The following RASA3 variants were observed in gnomAD, a reference collection of about 807,000 sequenced individuals.
RASA3 encodes the protein RAS p21 protein activator 3.
A neutral mutation model predicts 110.0 loss-of-function variants in RASA3; 73 were observed. That is an observed-to-expected ratio of 0.66 (90% CI 0.55 to 0.81). RASA3 has a LOEUF of 0.81. RASA3 is among the 30% of genes least tolerant of loss of function. The probability of loss-of-function intolerance (pLI) is 0.00; values close to 1 mark genes in which losing one functional copy is unlikely to be tolerated. For synonymous variants in RASA3, 500 were observed against 451.4 expected (o/e 1.11, Z -1.37); for missense variants, 976 against 1,113.2 (o/e 0.88, Z 1.75).
intron 1 of RASA3, among the ~76,000 whole-genome samples, chr13:114,116,117 G>C (rs368805574): frequency 1.4e-3 from 218 of 152,330 alleles, no homozygotes; most frequent in Middle Eastern, 3.4e-3. Context: ...GTGCCCTCTC[G>C]GCCAGCCTTG....
At chr13:114,002,336 C>T (rs532154933) in intron 18 of RASA3, among the ~76,000 whole-genome samples, 2 of 152,318 alleles carry the variant, frequency 1.3e-5, no homozygotes, top group Non-Finnish European at 2.9e-5. Flanking sequence ...GAGAAAAGGG[C>T]GGGGCGCTGG....
chr13:114,017,854 C>T (rs2053827476), intron 11 of RASA3, among the ~76,000 whole-genome samples: 1 of 151,810 alleles, frequency 6.6e-6, no homozygotes, highest in African/African-American at 2.4e-5. Context: ...GAGCTGTCCT[C>T]GAGCCCCAGG....
intron 1 of RASA3, among the ~76,000 whole-genome samples, chr13:114,127,118 C>G (rs1005684647): frequency 6.6e-6 from 1 of 152,266 alleles, no homozygotes; most frequent in African/African-American, 2.4e-5. Context: ...CCTGCAAACA[C>G]GGTGCCACAG....
At chr13:114,023,480 T>C (rs1002232667) in intron 8 of RASA3, among the ~76,000 whole-genome samples, 2 of 152,176 alleles carry the variant, frequency 1.3e-5, no homozygotes, top group Non-Finnish European at 2.9e-5. Flanking sequence ...TCATAGGGAA[T>C]GGAGGCATTC....
chr13:114,064,988 T>C (rs2079421603), intron 2 of RASA3, among the ~76,000 whole-genome samples: 1 of 152,268 alleles, frequency 6.6e-6, no homozygotes, highest in Non-Finnish European at 1.5e-5. Context: ...AAAGTCTCCT[T>C]TCCCTCAGTC....
In RASA3 at chr13:114,018,772, C is replaced by G. The variant is rs368366135; in HGVS notation, c.933G>C (p.Ala311=). 1 of 1,613,234 alleles carries G rather than the reference C, an allele frequency of 6.2e-7. No individual in the cohort carries two copies. Among genetic ancestry groups the G allele is most frequent in the South Asian group, 1.1e-5 (1 of 91,076 alleles). The change falls in exon 10 of 24, where the codon GCG becomes GCC. Residue 311 remains alanine, a synonymous_variant. Coordinates refer to ENST00000334062, the MANE Select transcript of RASA3 (RefSeq NM_007368.4). ...CGGCGTGGACAAGCACCTCCACATC[C>G]GCAGACTTCAACAGCAGGTCCCGCA... is the stretch of plus-strand genomic sequence containing the variant. The part of the protein sequence containing the change: ...SPLRDLLLKS[A]DVEPVSASAA...
At chr13:114,081,314 C>G (rs1408462663) in intron 1 of RASA3, among the ~76,000 whole-genome samples, 1 of 152,178 alleles carries the variant, frequency 6.6e-6, no homozygotes, top group Non-Finnish European at 1.5e-5. Context: ...GCCAGGTCAG[C>G]CAGAAGGTTG....
At chr13:114,116,709 G>C (rs574500181) in intron 1 of RASA3, among the ~76,000 whole-genome samples, 1 of 152,358 alleles carries the variant, frequency 6.6e-6, no homozygotes, top group Admixed American at 6.5e-5. Context: ...TGCAGGTTTG[G>C]AGAATCCTCT....
intron 4 of RASA3, among the ~76,000 whole-genome samples, chr13:114,035,085 C>T (rs925185386): frequency 6.6e-6 from 1 of 152,162 alleles, no homozygotes; most frequent in African/African-American, 2.4e-5. Context: ...CTGACCTGAG[C>T]TTAGAGCTGG....
At chr13:114,078,586 A>G (rs2079730722) in intron 1 of RASA3, among the ~76,000 whole-genome samples, 1 of 152,256 alleles carries the variant, frequency 6.6e-6, no homozygotes, top group African/African-American at 2.4e-5. Context: ...ATCGGCTCTG[A>G]AAACTCAACT....
At chr13:114,041,672 C>T (rs1384004314) in intron 3 of RASA3, among the ~76,000 whole-genome samples, 2 of 152,254 alleles carry the variant, frequency 1.3e-5, no homozygotes, top group African/African-American at 4.8e-5. Flanking sequence ...CACACGTGTG[C>T]CTAGGGTGCT....
chr13:114,053,245 G>C (rs146459367), intron 2 of RASA3, among the ~76,000 whole-genome samples: 20 of 142,802 alleles, frequency 1.4e-4, no homozygotes, highest in African/African-American at 5.0e-4. Flanking sequence ...GCCCATGCGT[G>C]AGTCACCAGG....
intron 3 of RASA3, among the ~76,000 whole-genome samples, chr13:114,043,619 T>C (rs1197133867): frequency 1.3e-5 from 2 of 151,920 alleles, no homozygotes; most frequent in Non-Finnish European, 2.9e-5. Flanking sequence ...CACGGGACGC[T>C]GAAACCACCA....
intron 4 of RASA3, among the ~76,000 whole-genome samples, chr13:114,030,807 G>A (rs573171551): frequency 2.0e-5 from 3 of 151,334 alleles, no homozygotes; most frequent in Admixed American, 6.6e-5. Context: ...ATGTGTGTCC[G>A]CCTGTGTCTG....
At chr13:113,990,712 TCTGCACATGTGTGTGCATGC>T (rs2053088359) in intron 22 of RASA3, among the ~76,000 whole-genome samples, 2 of 152,224 alleles carry the variant, frequency 1.3e-5, no homozygotes, top group South Asian at 2.1e-4. Context: ...TGTGTGGTTG[TCTGCACATGTGTGTGCATGC>T]CTGCACATGG....
chr13:113,992,998 T>A (rs2053154619), intron 21 of RASA3, among the ~76,000 whole-genome samples: 1 of 152,230 alleles, frequency 6.6e-6, no homozygotes, highest in African/African-American at 2.4e-5. Flanking sequence ...ATCTTATCAA[T>A]ACATAAGAAA....
At chr13:113,988,988 C>G (rs1304529780) in intron 22 of RASA3, among the ~76,000 whole-genome samples, 3 of 149,578 alleles carry the variant, frequency 2.0e-5, no homozygotes, top group Non-Finnish European at 3.0e-5. Flanking sequence ...ACACCCATCA[C>G]TCACCCATCG....
At chr13:114,122,262 G>T (rs1335738820) in intron 1 of RASA3, among the ~76,000 whole-genome samples, 1 of 152,212 alleles carries the variant, frequency 6.6e-6, no homozygotes, top group African/African-American at 2.4e-5. Context: ...GGGGGATCTG[G>T]AATTCCCCAG....
At chr13:114,021,383 G>C (rs2053923953) in intron 9 of RASA3, 21 bp downstream of exon 9, 2 of 1,604,876 alleles carry the variant, frequency 1.2e-6, no homozygotes, top group South Asian at 2.2e-5. Context: ...GCGGAAGTCT[G>C]CAGGTGCAAC....
Sources: gnomAD v4.1 joint callset for allele counts (sites outside exome capture counted in the v4.1 genomes callset) on GRCh38, gnomAD v4.1.1 for gene constraint, MANE v1.5 for transcripts, NCBI Gene and HGNC (gene_info 2026-07-23, HGNC 2026-07-21) for gene names.